The following PHLPP2 variants were observed in gnomAD, a reference collection of about 807,000 sequenced individuals.
PHLPP2 encodes PH domain leucine-rich repeat-containing protein phosphatase 2.
A neutral mutation model predicts 124.9 loss-of-function variants in PHLPP2; 66 were observed. The ratio of observed to expected loss-of-function variants is 0.53; its 90% CI spans 0.43 to 0.65. The LOEUF (loss-of-function observed/expected upper bound fraction) is 0.65. Ranked by LOEUF, PHLPP2 falls within the 30% of genes least tolerant of loss-of-function variation. The pLI is 0.00. For synonymous variants in PHLPP2, 681 were observed against 624.7 expected, an observed-to-expected ratio of 1.09 and a Z score of -1.34; for missense variants, 1,685 against 1,600.4, an observed-to-expected ratio of 1.05 and a Z score of -0.90.
intron 2 of PHLPP2, among the ~76,000 whole-genome samples, chr16:71,702,936 C>T (rs903705559): frequency 2.0e-5 from 3 of 152,092 alleles, no homozygotes; most frequent in African/African-American, 7.2e-5. Flanking sequence ...AATTTCTCAT[C>T]CTTCACTCCC....
rs372139914 is a variant in PHLPP2 at position 71,658,334 on chromosome 16, T to C, written c.2178A>G (p.Thr726=). The change falls in exon 15 of 19, where the codon ACA becomes ACG. Residue 726 remains threonine (T), a synonymous_variant. Transcript: ENST00000568954. ...QFVDLSCNDL[T]EILIPEALPA... ...GCAAAGCCTCTGGAATCAGGATTTC[T>C]GTCAAGTCGTTGCAACTTAGGTCTA... The C allele has an allele frequency of 6.2e-7, 1 of 1,613,976 alleles. No homozygotes were observed. The highest frequency in any genetic ancestry group is 8.5e-7 in the Non-Finnish European group (1 of 1,179,906).
intron 2 of PHLPP2, among the ~76,000 whole-genome samples, chr16:71,705,637 G>C (rs982953500): frequency 2.0e-5 from 3 of 151,868 alleles, no homozygotes; most frequent in African/African-American, 7.3e-5. Flanking sequence ...TCAGCCTCCC[G>C]AGTAGCTGGG....
intron 3 of PHLPP2, among the ~76,000 whole-genome samples, chr16:71,701,437 C>A (rs1334699189): frequency 6.6e-6 from 1 of 152,114 alleles, no homozygotes; most frequent in Non-Finnish European, 1.5e-5. Flanking sequence ...CTCACTCAAA[C>A]CATACTAGCT....
intron 2 of PHLPP2, among the ~76,000 whole-genome samples, chr16:71,703,345 T>C (rs1029945959): frequency 6.6e-6 from 1 of 152,188 alleles, no homozygotes; most frequent in Admixed American, 6.5e-5. Context: ...AATTGAGAAT[T>C]TCCATTTATT....
intron 3 of PHLPP2, among the ~76,000 whole-genome samples, chr16:71,702,004 G>A (rs1442829940): frequency 6.6e-6 from 1 of 152,034 alleles, no homozygotes; most frequent in Non-Finnish European, 1.5e-5. Context: ...TGGATAAGGG[G>A]GGACTACCAT....
chr16:71,652,773 C>T lies in PHLPP2; in HGVS notation c.2817+17G>A, dbSNP rs763721246. The T allele has an allele frequency of 5.1e-6, 8 of 1,573,756 alleles. No individual in the cohort carries two copies. The highest frequency in any genetic ancestry group is 2.7e-5 in the African/African-American group (2 of 74,160). ...TGATTTGGGGAGCAGAAGTGACTGGCGGGGAGCGGAACACACCTCTGTGAT... is the reference window on the plus strand; with the variant it reads ...TGATTTGGGGAGCAGAAGTGACTGGTGGGGAGCGGAACACACCTCTGTGAT... On this transcript the variant is annotated intron_variant, in intron 18 of 18. Coordinates refer to ENST00000568954, the MANE Select transcript of PHLPP2 (RefSeq NM_015020.3).
chr16:71,682,375 G>A (rs1215824482), intron 5 of PHLPP2, among the ~76,000 whole-genome samples: 1 of 151,948 alleles, frequency 6.6e-6, no homozygotes, highest in Non-Finnish European at 1.5e-5. Context: ...TAGAGACGGG[G>A]TTTCACCATG....
intron 12 of PHLPP2, among the ~76,000 whole-genome samples, chr16:71,665,275 A>C (rs1690436196): frequency 6.6e-6 from 1 of 152,144 alleles, no homozygotes; most frequent in African/African-American, 2.4e-5. Context: ...GTGCCACCGC[A>C]CTCCAGCCTG....
chr16:71,676,665 C>T lies in PHLPP2; in HGVS notation c.1269-16G>A, dbSNP rs138954324. 2.3e-4 allele frequency: 355 copies of T among 1,564,818 alleles called. 3 individuals are homozygous for T. The African/African-American group carries it at 4.2e-3, about 18-fold the overall frequency. On this transcript the variant is annotated splice_polypyrimidine_tract_variant and intron_variant, in intron 8 of 18. Coordinates refer to ENST00000568954, the MANE Select transcript of PHLPP2 (RefSeq NM_015020.3). ...ATGGTTCATCCTTAATACGCAGAAA[C>T]AAGAAAATAATCATAAATAAGAGTC...
intron 2 of PHLPP2, among the ~76,000 whole-genome samples, chr16:71,708,179 T>C (rs1252833316): frequency 6.6e-6 from 1 of 152,220 alleles, no homozygotes; most frequent in African/African-American, 2.4e-5. Flanking sequence ...TTTTGTTTTG[T>C]GTTTCTTATT....
At chr16:71,698,566 G>T in intron 3 of PHLPP2, 1 of 646,928 alleles carries the variant, frequency 1.5e-6, no homozygotes, top group Admixed American at 1.8e-5. Flanking sequence ...CCATCTGAAA[G>T]GCCTGTCTCT....
At chr16:71,696,329 G>T (rs1035999326) in intron 3 of PHLPP2, among the ~76,000 whole-genome samples, 1 of 152,066 alleles carries the variant, frequency 6.6e-6, no homozygotes, top group Non-Finnish European at 1.5e-5. Context: ...TGCAACTTGG[G>T]AATGCTCAGT....
At chr16:71,701,953 A>G (rs1277446257) in intron 3 of PHLPP2, among the ~76,000 whole-genome samples, 1 of 152,178 alleles carries the variant, frequency 6.6e-6, no homozygotes, top group Non-Finnish European at 1.5e-5. Context: ...TACTATCTGC[A>G]ATTTCAGTCA....
intron 5 of PHLPP2, among the ~76,000 whole-genome samples, chr16:71,684,183 T>C (rs1182180239): frequency 6.7e-6 from 1 of 148,444 alleles, no homozygotes; most frequent in Non-Finnish European, 1.5e-5. Flanking sequence ...TGGAGTGCAG[T>C]GGCGCGATGT....
In PHLPP2 at chr16:71,698,419, T is replaced by C. The variant is rs1025746783; in HGVS notation, c.418+4179A>G. 4 of 713,176 alleles carry C rather than the reference T, an allele frequency of 5.6e-6. No individual in the cohort carries two copies. In the African/African-American group the frequency reaches 6.9e-5, roughly 12 times the overall value. 44.2% of individuals were successfully genotyped at this position (713,176 alleles called of 1,614,324 possible). A position where few individuals can be genotyped will look rare whatever the true frequency, so the allele number is the denominator to read the frequency against. ...GGCCTCAATCATGTGCTCCTTGTTA[T>C]GCAGCTTGGTGCAGATGGACATGGT... On this transcript the variant is annotated intron_variant, in intron 3 of 18. Coordinates refer to ENST00000568954, the MANE Select transcript of PHLPP2 (RefSeq NM_015020.3).
At chr16:71,704,153 A>G (rs144033653) in intron 2 of PHLPP2, among the ~76,000 whole-genome samples, 4 of 152,148 alleles carry the variant, frequency 2.6e-5, no homozygotes, top group African/African-American at 9.6e-5. Flanking sequence ...TGCTAAAAAT[A>G]CAAAAAAATT....
At chr16:71,707,784 G>GGTGC (rs1430945389) in intron 2 of PHLPP2, among the ~76,000 whole-genome samples, 1 of 152,170 alleles carries the variant, frequency 6.6e-6, no homozygotes, top group Non-Finnish European at 1.5e-5. Context: ...GTAATTGTAA[G>GGTGC]TATAGCACCT....
intron 6 of PHLPP2, among the ~76,000 whole-genome samples, chr16:71,680,748 A>G (rs948852227): frequency 9.9e-5 from 15 of 152,184 alleles, no homozygotes; most frequent in Non-Finnish European, 1.5e-4. Flanking sequence ...TTTCCGGATG[A>G]CCTAACCTTG....
chr16:71,681,947 G>T, intron 5 of PHLPP2, 42 bp from the exon 6 acceptor site: 4 of 1,452,442 alleles, frequency 2.8e-6, no homozygotes, highest in Non-Finnish European at 3.7e-6. Flanking sequence ...GCTAGTACTG[G>T]ATGTCTATCA....
Sources: gnomAD v4.1 joint callset for allele counts (sites outside exome capture counted in the v4.1 genomes callset) on GRCh38, gnomAD v4.1.1 for gene constraint, MANE v1.5 for transcripts, NCBI Gene and HGNC (gene_info 2026-07-23, HGNC 2026-07-21) for gene names.